Variants in RIMS1 observed in about 807,000 individuals in gnomAD.
RIMS1 encodes the protein regulating synaptic membrane exocytosis 1.
Under a neutral mutation model 214.1 loss-of-function variants are expected in RIMS1, and 83 were observed. The ratio of observed to expected loss-of-function variants is 0.39; its 90% CI spans 0.32 to 0.47. The LOEUF (loss-of-function observed/expected upper bound fraction) is 0.47. Among genes scored for constraint, RIMS1 ranks in the 20% least tolerant of loss-of-function variants. The pLI is 0.99. For missense variants in RIMS1, 2,050 were observed against 2,161.8 expected (o/e 0.95, Z 1.03); for synonymous variants, 793 against 786.8 (o/e 1.01, Z -0.13).
At chr6:72,275,291 T>C (rs2085770240) in intron 23 of RIMS1, among the ~76,000 whole-genome samples, 1 of 151,522 alleles carries the variant, frequency 6.6e-6, no homozygotes, top group African/African-American at 2.4e-5. Context: ...GTAATATTTA[T>C]TCAGCAGATA....
intron 6 of RIMS1, among the ~76,000 whole-genome samples, chr6:72,214,881 G>T (rs1029376217): frequency 6.6e-6 from 1 of 151,764 alleles, no homozygotes. Flanking sequence ...ACCACCACAC[G>T]CAGCTAATTT....
intron 23 of RIMS1, 129 bp downstream of exon 23, chr6:72,274,561 T>A: frequency 1.5e-6 from 1 of 687,964 alleles, no homozygotes; most frequent in Non-Finnish European, 2.6e-6. Flanking sequence ...ATATGTTAGA[T>A]GTAGCCAACT....
chr6:72,074,203 T>C (rs1831239457), intron 2 of RIMS1, among the ~76,000 whole-genome samples: 1 of 152,188 alleles, frequency 6.6e-6, no homozygotes, highest in Non-Finnish European at 1.5e-5. Flanking sequence ...TCTAACTAGA[T>C]ATGCTAAAGG....
intron 4 of RIMS1, among the ~76,000 whole-genome samples, chr6:72,136,032 A>C (rs556775268): frequency 1.3e-5 from 2 of 152,348 alleles, no homozygotes; most frequent in Non-Finnish European, 2.9e-5. Context: ...AGGGGCAATG[A>C]GAGGATAAGA....
intron 27 of RIMS1, among the ~76,000 whole-genome samples, chr6:72,312,808 T>G (rs967128106): frequency 1.3e-5 from 2 of 152,128 alleles, no homozygotes; most frequent in Non-Finnish European, 2.9e-5. Flanking sequence ...CTATAATGTC[T>G]TAGAAAGTAT....
intron 27 of RIMS1, among the ~76,000 whole-genome samples, chr6:72,311,031 A>G (rs1362544847): frequency 6.6e-6 from 1 of 152,150 alleles, no homozygotes; most frequent in Admixed American, 6.5e-5. Flanking sequence ...CCAACTAAAA[A>G]TATTTTTGTT....
chr6:72,188,337 TA>T (rs2049477375), intron 6 of RIMS1, among the ~76,000 whole-genome samples: 1 of 152,166 alleles, frequency 6.6e-6, no homozygotes, highest in Admixed American at 6.5e-5. Context: ...AATAAGGTAA[TA>T]ATTATGCCGA....
chr6:71,984,389 G>A (rs1799303594), intron 2 of RIMS1, among the ~76,000 whole-genome samples: 1 of 151,732 alleles, frequency 6.6e-6, no homozygotes, highest in Admixed American at 6.6e-5. Flanking sequence ...GCTACACTGT[G>A]ACAAATAGGG....
intron 1 of RIMS1, among the ~76,000 whole-genome samples, chr6:71,890,274 A>T (rs1769227914): frequency 6.6e-6 from 1 of 152,158 alleles, no homozygotes; most frequent in Non-Finnish European, 1.5e-5. Flanking sequence ...TTGGCAAAGT[A>T]CACTAATTTT....
intron 1 of RIMS1, among the ~76,000 whole-genome samples, chr6:71,934,680 G>A (rs939394045): frequency 2.0e-5 from 3 of 152,138 alleles, no homozygotes; most frequent in African/African-American, 7.2e-5. Flanking sequence ...TTATATTAGT[G>A]CTGGCTAATT....
chr6:72,288,145 A>C (rs1485968440), intron 24 of RIMS1, among the ~76,000 whole-genome samples: 1 of 152,162 alleles, frequency 6.6e-6, no homozygotes, highest in Non-Finnish European at 1.5e-5. Context: ...TTGGAGCTGG[A>C]CAGACCTGTG....
At chr6:72,376,909 T>C (rs1269026174) in intron 29 of RIMS1, among the ~76,000 whole-genome samples, 2 of 152,122 alleles carry the variant, frequency 1.3e-5, no homozygotes, top group Non-Finnish European at 2.9e-5. Flanking sequence ...TGGATCAAAA[T>C]AAAGGATTCA....
At chr6:72,366,637 A>C in intron 29 of RIMS1, 4 of 928,756 alleles carry the variant, frequency 4.3e-6, no homozygotes, top group Non-Finnish European at 5.1e-6. Context: ...TCTTGACAGA[A>C]GCAATTTAAT....
At chr6:71,907,754 A>G (rs1775683206) in intron 1 of RIMS1, among the ~76,000 whole-genome samples, 1 of 152,196 alleles carries the variant, frequency 6.6e-6, no homozygotes, top group Non-Finnish European at 1.5e-5. Flanking sequence ...ATGTCAAATT[A>G]TCTACATTTA....
In RIMS1 at chr6:72,251,282, A is replaced by G; in HGVS notation, c.2612A>G (p.Asp871Gly). 6.3e-7 allele frequency: 1 copy of G among 1,598,994 alleles called. No homozygotes were observed. Residue 871 changes from aspartate to glycine, a missense_variant, in exon 15 of 34, where the codon GAT becomes GGT. By Grantham distance (94) the Asp-to-Gly change is moderately conservative. Transcript: ENST00000521978. ...EPHWYKLQTH[D>G]ESSLPLPQPS... The stretch of plus-strand genomic sequence containing the variant: ...CATTGGTATAAACTTCAGACACATG[A>G]TGAGTCTTCACTACCTCTGCCTCAG...
chr6:72,262,436 T>C, intron 19 of RIMS1: 2 of 985,148 alleles, frequency 2.0e-6, no homozygotes, highest in Non-Finnish European at 1.2e-6. Flanking sequence ...GGACAGGTAC[T>C]ACGACAATAA....
intron 28 of RIMS1, among the ~76,000 whole-genome samples, chr6:72,325,484 G>T (rs1371735756): frequency 4.0e-5 from 6 of 150,930 alleles, no homozygotes; most frequent in Non-Finnish European, 8.9e-5. Flanking sequence ...TAGAATTAAT[G>T]AATTTTGCAG....
intron 2 of RIMS1, among the ~76,000 whole-genome samples, chr6:72,088,478 G>A (rs942790732): frequency 2.6e-5 from 4 of 151,870 alleles, no homozygotes; most frequent in African/African-American, 4.8e-5. Flanking sequence ...GGCTGGTCTC[G>A]AACTCCTGAC....
chr6:72,110,712 A>G (rs1050064525), intron 4 of RIMS1, among the ~76,000 whole-genome samples: 1 of 151,816 alleles, frequency 6.6e-6, no homozygotes. Context: ...CCTGCCTAAT[A>G]GCCCTGGCCA....
Sources: gnomAD v4.1 joint callset for allele counts (sites outside exome capture counted in the v4.1 genomes callset) on GRCh38, gnomAD v4.1.1 for gene constraint, MANE v1.5 for transcripts, NCBI Gene and HGNC (gene_info 2026-07-23, HGNC 2026-07-21) for gene names.